The following MB21D2 variants were observed in gnomAD, a reference collection of about 807,000 sequenced individuals.
MB21D2 encodes nucleotidyltransferase MB21D2.
In MB21D2, 9 loss-of-function variants were observed where a neutral mutation model predicts 33.3. The observed-to-expected ratio is 0.27, with a 90% CI of 0.16 to 0.47. The LOEUF (loss-of-function observed/expected upper bound fraction) is 0.47. MB21D2 is among the 20% of genes least tolerant of loss of function. MB21D2 has a pLI of 0.99. For missense variants in MB21D2, 540 were observed against 624.6 expected (o/e 0.86, Z 1.44); for synonymous variants, 241 against 236.3 (o/e 1.02, Z -0.18).
chr3:192,860,151 C>T (rs569935473), intron 1 of MB21D2, among the ~76,000 whole-genome samples: 2 of 152,252 alleles, frequency 1.3e-5, no homozygotes, highest in South Asian at 4.2e-4. Flanking sequence ...CCAAACTGTG[C>T]CCCACATGGC....
chr3:192,917,803 G>C lies in MB21D2; in HGVS notation c.38C>G (p.Ser13Cys). ...CGCAGGCTTGTTGTTACAGCCCAGG[G>C]AGGCTGCCTTGTTGGCGGTGGGAGC... is the stretch of plus-strand genomic sequence containing the variant. ...MAAPTANKAA[S>C]LGCNNKPAFP... is the part of the protein sequence containing the mutation. The change falls in exon 1 of 2, where the codon TCC becomes TGC. Residue 13 changes from serine (S) to cysteine (C), a missense_variant. Ser to Cys is a moderately radical substitution (Grantham distance 112). Coordinates refer to ENST00000392452, the MANE Select transcript of MB21D2 (RefSeq NM_178496.4). 6.2e-7 allele frequency: 1 copy of C among 1,612,446 alleles called. No individual in the cohort carries two copies. Among genetic ancestry groups the C allele is most frequent in the Non-Finnish European group, 8.5e-7 (1 of 1,179,498 alleles).
chr3:192,867,774 C>T (rs950194919), intron 1 of MB21D2, among the ~76,000 whole-genome samples: 6 of 152,140 alleles, frequency 3.9e-5, no homozygotes, highest in Non-Finnish European at 7.3e-5. Flanking sequence ...TGATGGTTTG[C>T]TAGTTTTCAG....
At chr3:192,894,779 T>C (rs570382652) in intron 1 of MB21D2, among the ~76,000 whole-genome samples, 2 of 152,256 alleles carry the variant, frequency 1.3e-5, no homozygotes, top group African/African-American at 4.8e-5. Context: ...CTCACCTGAG[T>C]AGCAGGTGCA....
At position 192,866,740 on chromosome 3, in the gene MB21D2, T is replaced by A. The variant is rs186041048; in HGVS notation, c.211+50890A>T. Among the ~76,000 whole-genome samples, 480 of 152,198 alleles carry A rather than the reference T, an allele frequency of 3.2e-3. 5 individuals are homozygous for A. Among genetic ancestry groups the A allele is most frequent in the African/African-American group, 0.011 (470 of 41,516 alleles). Reference sequence around the variant, plus strand: ...ATGAAATGTAAGAATATTAAAAAAATAAAAATTGTCCTCACACCAGGTAAA... The same window carrying A: ...ATGAAATGTAAGAATATTAAAAAAAAAAAAATTGTCCTCACACCAGGTAAA... On this transcript the variant is annotated intron_variant, in intron 1 of 1. Transcript: ENST00000392452.
At chr3:192,880,630 G>A (rs1265008317) in intron 1 of MB21D2, among the ~76,000 whole-genome samples, 5 of 152,000 alleles carry the variant, frequency 3.3e-5, no homozygotes, top group African/African-American at 9.7e-5. Context: ...CGGAGGGGAC[G>A]GACTCTCAAG....
intron 1 of MB21D2, among the ~76,000 whole-genome samples, chr3:192,878,081 CTT>C (rs11294126): frequency 2.5e-3 from 303 of 119,500 alleles, no homozygotes; most frequent in East Asian, 7.4e-3. Context: ...AATTCCTCCT[CTT>C]TTTTTTTTTT....
At chr3:192,815,519 A>G (rs1156486451) in intron 1 of MB21D2, among the ~76,000 whole-genome samples, 4 of 152,240 alleles carry the variant, frequency 2.6e-5, no homozygotes, top group African/African-American at 9.6e-5. Context: ...TCAAAGCAGA[A>G]AGTTTAACTG....
intron 1 of MB21D2, among the ~76,000 whole-genome samples, chr3:192,904,135 C>T (rs1035212442): frequency 2.0e-5 from 3 of 152,134 alleles, no homozygotes; most frequent in South Asian, 2.1e-4. Context: ...GAACACGGTT[C>T]GCAATATTTT....
chr3:192,813,834 T>G (rs1039794017), intron 1 of MB21D2, among the ~76,000 whole-genome samples: 1 of 152,142 alleles, frequency 6.6e-6, no homozygotes. Flanking sequence ...AAATGTAAGG[T>G]GTGCTCTATT....
At chr3:192,812,206 C>T in intron 1 of MB21D2, among the ~76,000 whole-genome samples, 1 of 152,010 alleles carries the variant, frequency 6.6e-6, no homozygotes, top group East Asian at 1.9e-4. Flanking sequence ...CGCCACCACG[C>T]CCGGCTAATT....
intron 1 of MB21D2, among the ~76,000 whole-genome samples, chr3:192,826,461 T>C (rs1476612635): frequency 2.6e-5 from 4 of 152,240 alleles, no homozygotes; most frequent in Non-Finnish European, 5.9e-5. Flanking sequence ...CCAGTTGTCT[T>C]GGGCTATTAA....
intron 1 of MB21D2, among the ~76,000 whole-genome samples, chr3:192,853,267 C>A (rs1231707247): frequency 6.6e-6 from 1 of 152,188 alleles, no homozygotes; most frequent in African/African-American, 2.4e-5. Flanking sequence ...ATCTCCACAC[C>A]AACCAACCGC....
chr3:192,837,152 G>C lies in MB21D2; in HGVS notation c.212-37502C>G, dbSNP rs921767516. Among the ~76,000 whole-genome samples the C allele has an allele frequency of 5.9e-5, 9 of 152,120 alleles. 1 individual carries two copies. The highest frequency in any genetic ancestry group is 1.3e-4 in the Non-Finnish European group (9 of 68,008). On this transcript the variant is annotated intron_variant, in intron 1 of 1. Transcript: ENST00000392452. ...GAACTATGTCAGCATCTGTTGACCA[G>C]AGTAAGTATTAGCAGTTCTTGTTTC...
At chr3:192,917,170 G>T (rs1298552572) in intron 1 of MB21D2, among the ~76,000 whole-genome samples, 2 of 152,160 alleles carry the variant, frequency 1.3e-5, no homozygotes, top group African/African-American at 4.8e-5. Context: ...CCAAGCCAGA[G>T]CCCTGAGCCG....
At chr3:192,863,378 C>T (rs564565977) in intron 1 of MB21D2, among the ~76,000 whole-genome samples, 11 of 152,314 alleles carry the variant, frequency 7.2e-5, no homozygotes, top group African/African-American at 2.4e-4. Flanking sequence ...ACACCCAACT[C>T]GGTGACATTC....
At chr3:192,859,881 GT>G (rs1713001384) in intron 1 of MB21D2, among the ~76,000 whole-genome samples, 1 of 152,208 alleles carries the variant, frequency 6.6e-6, no homozygotes, top group African/African-American at 2.4e-5. Context: ...TGGAGAAAGT[GT>G]GGGGGAAGTG....
At chr3:192,832,131 C>T (rs901357425) in intron 1 of MB21D2, among the ~76,000 whole-genome samples, 1 of 152,186 alleles carries the variant, frequency 6.6e-6, no homozygotes, top group Non-Finnish European at 1.5e-5. Flanking sequence ...GGCCCCTTGC[C>T]TAGAGACTCT....
Position 192,797,086 on chromosome 3 carries a change from T to G in MB21D2, c.*1300A>C, listed in dbSNP as rs1387554588. The G allele has an allele frequency of 1.3e-5, 2 of 152,588 alleles. No homozygotes were observed. Among genetic ancestry groups the G allele is most frequent in the African/African-American group, 4.8e-5 (2 of 41,422 alleles). The allele number at this position is 152,588 out of a possible 1,614,324, so 9.5% of individuals were successfully genotyped here. A position where few individuals can be genotyped will look rare whatever the true frequency, so the allele number is the denominator to read the frequency against. On this transcript the variant is annotated 3_prime_UTR_variant, in exon 2 of 2. Transcript: ENST00000392452. Reference sequence around the variant, plus strand: ...TGACCTCTTAAACACCAGCTTGCCATGAGTCCACACCAAAACAGGGAGCCA... The same window carrying G: ...TGACCTCTTAAACACCAGCTTGCCAGGAGTCCACACCAAAACAGGGAGCCA...
At chr3:192,902,583 A>C (rs941854257) in intron 1 of MB21D2, among the ~76,000 whole-genome samples, 1 of 152,196 alleles carries the variant, frequency 6.6e-6, no homozygotes, top group African/African-American at 2.4e-5. Context: ...ACCTTGAGCA[A>C]GTCACTGTTC....
Sources: gnomAD v4.1 joint callset for allele counts (sites outside exome capture counted in the v4.1 genomes callset) on GRCh38, gnomAD v4.1.1 for gene constraint, MANE v1.5 for transcripts, NCBI Gene and HGNC (gene_info 2026-07-23, HGNC 2026-07-21) for gene names.